Variants in ZNF395 observed in about 807,000 individuals in gnomAD.
ZNF395 encodes the protein HD gene regulatory region-binding protein 2.
A neutral mutation model predicts 57.7 loss-of-function variants in ZNF395; 20 were observed. The observed-to-expected ratio is 0.35, with a 90% CI of 0.24 to 0.50. The LOEUF (loss-of-function observed/expected upper bound fraction) is 0.50. ZNF395 is among the 20% of genes least tolerant of loss of function. ZNF395 has a pLI of 0.97. For missense variants in ZNF395, 606 were observed against 671.2 expected, an observed-to-expected ratio of 0.90 and a Z score of 1.07; for synonymous variants, 295 against 275.9, an observed-to-expected ratio of 1.07 and a Z score of -0.69.
At chr8:28,350,348 CCTT>C (rs1007469971) in intron 7 of ZNF395, among the ~76,000 whole-genome samples, 192 bp from the exon 8 acceptor site, 1 of 152,182 alleles carries the variant, frequency 6.6e-6, no homozygotes, top group African/African-American at 2.4e-5. Context: ...GCAGTAGTCT[CCTT>C]ATTGCGAGGC....
In ZNF395 at chr8:28,352,520, T is replaced by G. The variant is rs1585851573; in HGVS notation, c.920+53A>C. The G allele has an allele frequency of 1.3e-6, 2 of 1,520,652 alleles. No homozygotes were observed. 94.2% of individuals were successfully genotyped at this position (1,520,652 alleles called of 1,614,324 possible). A position where few individuals can be genotyped will look rare whatever the true frequency, so the allele number is the denominator to read the frequency against. On this transcript the variant is annotated intron_variant, in intron 6 of 9. Coordinates refer to ENST00000344423, the MANE Select transcript of ZNF395 (RefSeq NM_018660.3). This position sits in a 1 kb window ranked among gnomAD's most constrained non-coding sequence, Gnocchi z 4.0. ...TGTGGGTCACAGGGACTCGGCAGGG[T>G]GGAGGGACACCCACACGCGACCCTA...
intron 1 of ZNF395, among the ~76,000 whole-genome samples, chr8:28,366,717 T>C (rs913901690): frequency 6.6e-6 from 1 of 151,982 alleles, no homozygotes; most frequent in African/African-American, 2.4e-5. Flanking sequence ...CATTTGAACC[T>C]TGGCAGAAGC....
rs138093376 is a variant in ZNF395 at position 28,366,374 on chromosome 8, T to C, written c.-58-5192A>G. Among the ~76,000 whole-genome samples the C allele has an allele frequency of 4.9e-3, 746 of 152,306 alleles. 7 individuals carry two copies. Among genetic ancestry groups the C allele is most frequent in the African/African-American group, 0.017 (707 of 41,568 alleles). On this transcript the variant is annotated intron_variant, in intron 1 of 9. Transcript: ENST00000344423. ...TTATCAGAAAAGTGCCAATTTTTCC[T>C]TTAAATCTATAACATTTTTACTTAA...
chr8:28,352,656 C>T lies in ZNF395; in HGVS notation c.837G>A (p.Met279Ile). ...PRKRKNSVKV[M>I]YKCLWPNCGK... ...CACAGTTTGGCCACAGGCACTTGTA[C>T]ATCACCTTCACAGAGTTCTACAGGA... The change falls in exon 6 of 10, where the codon ATG becomes ATA. Residue 279 changes from methionine (M) to isoleucine (I), a missense_variant. This residue lies in a region of ZNF395 where 309 missense variants were observed against 374.7 expected (regional missense o/e 0.82). Coordinates refer to ENST00000344423, the MANE Select transcript of ZNF395 (RefSeq NM_018660.3). The surrounding 1 kb of genome is among the most constrained non-coding windows in gnomAD (Gnocchi z 4.0). 6.2e-7 allele frequency: 1 copy of T among 1,614,128 alleles called. No homozygotes were observed. Among genetic ancestry groups the T allele is most frequent in the Non-Finnish European group, 8.5e-7 (1 of 1,179,962 alleles).
At chr8:28,385,647 G>C (rs916329774) in intron 1 of ZNF395, among the ~76,000 whole-genome samples, 22 of 148,712 alleles carry the variant, frequency 1.5e-4, no homozygotes, top group African/African-American at 4.9e-4. Context: ...CGGGAGGGCC[G>C]GGCGCGGGAG....
At chr8:28,349,303 G>GCA (rs1271602021) in intron 8 of ZNF395, 75 bp from the exon 9 acceptor site, 11 of 1,230,744 alleles carry the variant, frequency 8.9e-6, no homozygotes. Context: ...AAGACAGGCA[G>GCA]CCACCCGTCC....
chr8:28,384,306 A>C (rs1802144645), intron 1 of ZNF395, among the ~76,000 whole-genome samples: 1 of 152,214 alleles, frequency 6.6e-6, no homozygotes, highest in Admixed American at 6.5e-5. Context: ...CCTACTGTTC[A>C]GGATACATTC....
At chr8:28,353,040 A>ATTTG in intron 5 of ZNF395, 133 bp downstream of exon 5, 1 of 770,714 alleles carries the variant, frequency 1.3e-6, no homozygotes, top group Non-Finnish European at 2.2e-6. Flanking sequence ...AGAAGCAGCA[A>ATTTG]TAAAAAACCG....
Position 28,351,596 on chromosome 8 carries a change from C to T in ZNF395, c.1132G>A (p.Gly378Ser), listed in dbSNP as rs776298873. Residue 378 changes from glycine to serine, a missense_variant, in exon 7 of 10, where the codon GGC (glycine) becomes AGC (serine). Gly to Ser is a moderately conservative substitution (Grantham distance 56). Around this residue, in one of 3 missense-constraint regions of ZNF395, gnomAD observed 261 missense variants for 240.3 expected, o/e 1.09. Coordinates refer to ENST00000344423, the MANE Select transcript of ZNF395 (RefSeq NM_018660.3). ...PPPLHKAQSS[G>S]PEHPGPESSL... is the part of the protein sequence containing the mutation. ...GACTCCGGGCCAGGATGTTCTGGGCCGGAGGACTGGGCTTTGTGCAGAGGT... is the reference window on the plus strand; with the variant it reads ...GACTCCGGGCCAGGATGTTCTGGGCTGGAGGACTGGGCTTTGTGCAGAGGT... 24 of 1,613,640 alleles carry T rather than the reference C, an allele frequency of 1.5e-5. No homozygotes were observed. Among genetic ancestry groups the T allele is most frequent in the Middle Eastern group, 1.6e-4 (1 of 6,062 alleles).
intron 1 of ZNF395, among the ~76,000 whole-genome samples, chr8:28,361,666 C>A (rs1350324639): frequency 2.0e-5 from 3 of 152,196 alleles, no homozygotes; most frequent in Admixed American, 6.5e-5. Flanking sequence ...CCTCAGCACA[C>A]ACACATCAAC....
Position 28,351,630 on chromosome 8 carries a change from A to G in ZNF395, c.1098T>C (p.Ala366=), listed in dbSNP as rs1258346432. The G allele has an allele frequency of 6.2e-7, 1 of 1,613,416 alleles. No homozygotes were observed. The highest frequency in any genetic ancestry group is 8.5e-7 in the Non-Finnish European group (1 of 1,179,996). ...TPSMTGLPLS[A]LPPPLHKAQS... is the part of the protein sequence containing the mutation. ...GGGCTTTGTGCAGAGGTGGTGGAAG[A>G]GCAGACAGAGGCAGGCCAGTCATGC... The change falls in exon 7 of 10, where the codon GCT becomes GCC. Residue 366 remains alanine, a synonymous_variant. Transcript: ENST00000344423.
At position 28,359,447 on chromosome 8, in the gene ZNF395, C is replaced by T; in HGVS notation, c.473+145G>A. 1.7e-6 allele frequency: 2 copies of T among 1,162,148 alleles called. No individual in the cohort carries two copies. Among genetic ancestry groups the T allele is most frequent in the Non-Finnish European group, 2.3e-6 (2 of 852,196 alleles). The allele number at this position is 1,162,148 out of a possible 1,614,324, so 72.0% of individuals were successfully genotyped here. A position where few individuals can be genotyped will look rare whatever the true frequency, so the allele number is the denominator to read the frequency against. On this transcript the variant is annotated intron_variant, in intron 3 of 9. Coordinates refer to ENST00000344423, the MANE Select transcript of ZNF395 (RefSeq NM_018660.3). This position sits in a 1 kb window ranked among gnomAD's most constrained non-coding sequence, Gnocchi z 4.7. The stretch of plus-strand genomic sequence containing the variant: ...CCACTCTGGTTTTCTTAAAAGATTC[C>T]CCTTTTCTGTGTCCCATTTGTCCCA...
intron 4 of ZNF395, among the ~76,000 whole-genome samples, chr8:28,354,095 G>C (rs76005372): frequency 0.02 from 3,074 of 152,312 alleles, 106 homozygotes; most frequent in African/African-American, 0.069. Context: ...ATGTTTGGAG[G>C]AGGAAAGACA....
chr8:28,348,501 A>G lies in ZNF395; in HGVS notation c.*218T>C, dbSNP rs1479094283. The stretch of plus-strand genomic sequence containing the variant: ...CCTTGGTCAGTTTTGGCTCTCTCCT[A>G]TTTTAGGGGGAAAAATATTTTTGTT... On this transcript the variant is annotated 3_prime_UTR_variant, in exon 10 of 10. Transcript: ENST00000344423. 5.9e-6 allele frequency: 3 copies of G among 509,596 alleles called. No individual in the cohort carries two copies. The highest frequency in any genetic ancestry group is 3.8e-5 in the East Asian group (1 of 26,580). 31.6% of individuals were successfully genotyped at this position (509,596 alleles called of 1,614,324 possible). A position where few individuals can be genotyped will look rare whatever the true frequency, so the allele number is the denominator to read the frequency against.
Position 28,356,502 on chromosome 8 carries a change from G to A in ZNF395, c.583+168C>T, listed in dbSNP as rs1236322495. 6.6e-6 allele frequency among the ~76,000 whole-genome samples: 1 copy of A among 152,220 alleles called. No individual in the cohort carries two copies. The highest frequency in any genetic ancestry group is 1.5e-5 in the Non-Finnish European group (1 of 68,040). On this transcript the variant is annotated intron_variant, in intron 4 of 9. Transcript: ENST00000344423. The surrounding 1 kb of genome is among the most constrained non-coding windows in gnomAD (Gnocchi z 4.0). ...GGTGAGGAAACTGAGGAAAAAGAAC[G>A]GAAGCATCTAACTCCATGGCATGCA... is the stretch of plus-strand genomic sequence containing the variant.
At chr8:28,363,341 A>G (rs924631410) in intron 1 of ZNF395, among the ~76,000 whole-genome samples, 3 of 152,102 alleles carry the variant, frequency 2.0e-5, no homozygotes, top group Non-Finnish European at 4.4e-5. Context: ...CATGTTGCCC[A>G]GGGTGGTCTC....
At chr8:28,355,122 C>G (rs146074917) in intron 4 of ZNF395, among the ~76,000 whole-genome samples, 1 of 152,262 alleles carries the variant, frequency 6.6e-6, no homozygotes, top group Non-Finnish European at 1.5e-5. Context: ...AATACACTTT[C>G]TATACCATGA....
At chr8:28,370,701 G>A (rs1801966538) in intron 1 of ZNF395, among the ~76,000 whole-genome samples, 1 of 152,192 alleles carries the variant, frequency 6.6e-6, no homozygotes, top group Non-Finnish European at 1.5e-5. Context: ...GATAAAATCA[G>A]CACCGGGTGC....
rs539329592 is a variant in ZNF395, at chr8:28,373,238, C to T, written c.-58-12056G>A. ...GTGGCCAGGGACACCGGCCCACAAC[C>T]GGCCACAAAGCTGTCTTCGGGAAGG... On this transcript the variant is annotated intron_variant, in intron 1 of 9. Coordinates refer to ENST00000344423, the MANE Select transcript of ZNF395 (RefSeq NM_018660.3). 4.6e-5 allele frequency among the ~76,000 whole-genome samples: 7 copies of T among 152,350 alleles called. No homozygotes were observed. The South Asian group carries it at 1.2e-3, about 27-fold the overall frequency.
Sources: allele counts gnomAD v4.1 joint callset (sites outside exome capture counted in the v4.1 genomes callset), GRCh38; gene constraint gnomAD v4.1.1; regional missense constraint gnomAD v4.1.1; non-coding constraint Gnocchi (gnomAD v3.1); transcripts MANE v1.5; gene names NCBI Gene and HGNC (gene_info 2026-07-23, HGNC 2026-07-21).